CCDC57: variants seen among roughly 807,000 people sequenced by gnomAD.
The protein encoded by CCDC57 is coiled-coil domain containing 57, also known as coiled-coil domain-containing protein 57.
A neutral mutation model predicts 118.9 loss-of-function variants in CCDC57; 118 were observed. The observed-to-expected ratio is 0.99, with a 90% CI of 0.86 to 1.16. CCDC57 has a LOEUF of 1.16. CCDC57 is among the 50% of genes most tolerant of loss of function. The pLI is 0.00. For missense variants in CCDC57, 1,300 were observed against 1,320.7 expected, an observed-to-expected ratio of 0.98 and a Z score of 0.24; for synonymous variants, 527 against 532.9, an observed-to-expected ratio of 0.99 and a Z score of 0.15.
In CCDC57 at chr17:82,179,242, A is replaced by G. The variant is rs867081875; in HGVS notation, c.1212-53T>C. On this transcript the variant is annotated intron_variant, in intron 9 of 19. Transcript: ENST00000665763. Reference sequence around the variant, plus strand: ...TAATGCTTCCTGAGGTCCCTTCCACAGGAAAAGCAGAGGCACGATGGGAAA... The same window carrying G: ...TAATGCTTCCTGAGGTCCCTTCCACGGGAAAAGCAGAGGCACGATGGGAAA... 1.0e-4 allele frequency: 157 copies of G among 1,566,758 alleles called. No homozygotes were observed. The Middle Eastern group carries it at 5.3e-3, about 53-fold the overall frequency.
exon 13 of CCDC57, chr17:82,171,823 C>G (rs201917262): frequency 6.2e-7 from 1 of 1,613,652 alleles, no homozygotes; most frequent in Non-Finnish European, 8.5e-7. Flanking sequence ...CTTTAGAGTT[C>G]GTATTTCTGC....
chr17:82,177,245 A>G (rs7220781), intron 11 of CCDC57, among the ~76,000 whole-genome samples: 109,494 of 151,906 alleles, frequency 0.72, 40,007 homozygotes, highest in East Asian at 0.95. Context: ...GCATGGTGGC[A>G]CATGCCTGTA....
intron 19 of CCDC57, among the ~76,000 whole-genome samples, chr17:82,108,303 C>T (rs1473523822): frequency 6.6e-6 from 1 of 152,240 alleles, no homozygotes. Flanking sequence ...TGTGATCCCA[C>T]CCCTGAAAAC....
intron 16 of CCDC57, among the ~76,000 whole-genome samples, chr17:82,144,199 A>G (rs878957454): frequency 6.6e-6 from 1 of 152,158 alleles, no homozygotes; most frequent in Non-Finnish European, 1.5e-5. Context: ...AGTCCCAGCT[A>G]CTTGGGAGGC....
chr17:82,127,888 C>T (rs371380244), exon 19 of CCDC57: 267 of 1,611,878 alleles, frequency 1.7e-4, no homozygotes, highest in Middle Eastern at 3.3e-4. Flanking sequence ...TACAGGTCAC[C>T]GTGTGGATGC....
intron 13 of CCDC57, among the ~76,000 whole-genome samples, chr17:82,167,470 C>G (rs1029786966): frequency 4.6e-5 from 7 of 151,982 alleles, no homozygotes; most frequent in Non-Finnish European, 1.0e-4. Flanking sequence ...CCTGCCTCAG[C>G]CTCCCAAATA....
rs545481105 is a variant in CCDC57 at position 82,172,732 on chromosome 17, T to A, written c.1635A>T (p.Leu545=). The change falls in exon 12 of 20, where the codon CTA becomes CTT. Residue 545 remains leucine (L), a synonymous_variant. Transcript: ENST00000665763. This position sits in a 1 kb window ranked among gnomAD's most constrained non-coding sequence, Gnocchi z 5.2. ...GGATGGGAGGAGGAATCTGATGGCTTAGAGCCTCCATTTCTTTCCTCATCT... is the reference window on the plus strand; with the variant it reads ...GGATGGGAGGAGGAATCTGATGGCTAAGAGCCTCCATTTCTTTCCTCATCT... 3.7e-6 allele frequency: 6 copies of A among 1,600,678 alleles called. No homozygotes were observed. Among genetic ancestry groups the A allele is most frequent in the Non-Finnish European group, 5.1e-6 (6 of 1,173,752 alleles).
chr17:82,158,056 C>G (rs907686393), intron 14 of CCDC57, 108 bp from the exon 14 acceptor site: 3 of 1,455,946 alleles, frequency 2.1e-6, no homozygotes, highest in Non-Finnish European at 2.7e-6. Context: ...GAACGGGGAG[C>G]CCGGGGTCAG....
chr17:82,159,509 AAGG>A (rs1188127283), intron 14 of CCDC57, among the ~76,000 whole-genome samples: 1 of 152,126 alleles, frequency 6.6e-6, no homozygotes, highest in African/African-American at 2.4e-5. Flanking sequence ...TTGCAACAAC[AAGG>A]ACACACTTCC....
exon 6 of CCDC57, chr17:82,194,024 C>T (rs369876031): frequency 5.6e-6 from 9 of 1,612,950 alleles, no homozygotes; most frequent in Admixed American, 1.7e-5. Context: ...CTCCCCGGCT[C>T]GGCTCTGGAG....
At chr17:82,182,746 C>A (rs2046365644) in intron 9 of CCDC57, among the ~76,000 whole-genome samples, 1 of 152,026 alleles carries the variant, frequency 6.6e-6, no homozygotes, top group South Asian at 2.1e-4. Flanking sequence ...AATGCAGTGG[C>A]ACGATCTGGG....
chr17:82,138,171 C>G, intron 16 of CCDC57, among the ~76,000 whole-genome samples: 1 of 118,646 alleles, frequency 8.4e-6, no homozygotes, highest in Admixed American at 9.7e-5. Flanking sequence ...TTTTTTGAGA[C>G]GGAGTCTCGC....
intron 9 of CCDC57, among the ~76,000 whole-genome samples, chr17:82,180,676 CGT>C (rs2046094813): frequency 1.3e-5 from 2 of 152,132 alleles, no homozygotes; most frequent in Admixed American, 1.3e-4. Context: ...GGGGTTTCAC[CGT>C]GTTAGCCAGG....
At chr17:82,151,697 G>T in exon 16 of CCDC57, 1 of 1,550,388 alleles carries the variant, frequency 6.4e-7, no homozygotes, top group Non-Finnish European at 8.7e-7. Flanking sequence ...GGTCTGGGGG[G>T]CACGTGCCAC....
At position 82,120,984 on chromosome 17, in the gene CCDC57, T is replaced by C. The variant is rs920342015; in HGVS notation, c.2899+6708A>G. On this transcript the variant is annotated intron_variant, in intron 19 of 19. Coordinates refer to ENST00000665763, the Ensembl canonical transcript of CCDC57. The stretch of plus-strand genomic sequence containing the variant: ...GTTAGCCAGGATGGTCTCGATCTCC[T>C]GACCTAGTGATCCACCCACCTCGGC... Among the ~76,000 whole-genome samples, 3 of 152,164 alleles carry C rather than the reference T, an allele frequency of 2.0e-5. No homozygotes were observed. The East Asian group carries it at 5.8e-4, about 29-fold the overall frequency.
At chr17:82,209,883 C>G (rs761132861) in intron 1 of CCDC57, among the ~76,000 whole-genome samples, 16 of 152,026 alleles carry the variant, frequency 1.1e-4, no homozygotes, top group Non-Finnish European at 2.1e-4. Context: ...TTAAGAAAGC[C>G]AAGAAGAAAT....
intron 19 of CCDC57, chr17:82,107,637 A>G (rs997885946): frequency 6.4e-6 from 3 of 468,522 alleles, no homozygotes; most frequent in Non-Finnish European, 1.3e-5. Flanking sequence ...GTGACAGGAG[A>G]AGGAGGGCAG....
intron 15 of CCDC57, 144 bp downstream of exon 14, chr17:82,157,604 A>AC (rs1404054752): frequency 2.3e-5 from 33 of 1,440,180 alleles, no homozygotes; most frequent in African/African-American, 4.3e-5. Flanking sequence ...AGCAGGGCCC[A>AC]CTTCCAGGCA....
chr17:82,121,696 C>T (rs757648478), intron 19 of CCDC57, among the ~76,000 whole-genome samples: 3 of 152,196 alleles, frequency 2.0e-5, no homozygotes, highest in South Asian at 2.1e-4. Context: ...CTGAGGGCTC[C>T]GATGAGCTCC....
Sources: gnomAD v4.1 joint callset for allele counts (sites outside exome capture counted in the v4.1 genomes callset) on GRCh38, gnomAD v4.1.1 for gene constraint, Gnocchi (gnomAD v3.1) non-coding constraint, MANE v1.5 for transcripts, NCBI Gene and HGNC (gene_info 2026-07-23, HGNC 2026-07-21) for gene names.